ZNF354C: variants seen among roughly 807,000 people sequenced by gnomAD.
ZNF354C encodes the protein zinc finger protein 354C.
ZNF354C carries 7 observed loss-of-function variants against 12.4 expected under a neutral mutation model. That is an observed-to-expected ratio of 0.56 (90% CI 0.32 to 1.06). The LOEUF (loss-of-function observed/expected upper bound fraction) is 1.06, where lower values mean the gene tolerates loss of function less well. ZNF354C is among the 50% of genes least tolerant of loss of function. The probability of loss-of-function intolerance (pLI) is 0.04; values close to 1 mark genes in which losing one functional copy is unlikely to be tolerated. For missense variants in ZNF354C, 609 were observed against 658.0 expected, an observed-to-expected ratio of 0.93 and a Z score of 0.81; for synonymous variants, 202 against 224.5, an observed-to-expected ratio of 0.90 and a Z score of 0.90.
intron 1 of ZNF354C, among the ~76,000 whole-genome samples, chr5:179,061,226 C>T (rs999859348): frequency 6.6e-6 from 1 of 152,176 alleles, no homozygotes; most frequent in Non-Finnish European, 1.5e-5. Context: ...CTGCAGATCG[C>T]GGGCCTGGAG....
chr5:179,077,980 T>C (rs549832914), intron 4 of ZNF354C, among the ~76,000 whole-genome samples: 1 of 152,162 alleles, frequency 6.6e-6, no homozygotes, highest in South Asian at 2.1e-4. Flanking sequence ...TAATTTTTTG[T>C]ATTTTTGGTA....
chr5:179,066,718 T>C (rs1761962143), intron 2 of ZNF354C, among the ~76,000 whole-genome samples: 2 of 152,222 alleles, frequency 1.3e-5, no homozygotes, highest in Non-Finnish European at 2.9e-5. Context: ...TCCACTGTCA[T>C]TCTTATCCTT....
Position 179,078,960 on chromosome 5 carries a change from C to T in ZNF354C, c.528C>T (p.Val176=). 1.2e-6 allele frequency: 2 copies of T among 1,614,052 alleles called. No individual in the cohort carries two copies. Among genetic ancestry groups the T allele is most frequent in the Non-Finnish European group, 1.7e-6 (2 of 1,180,002 alleles). The change falls in exon 5 of 5, where the codon GTC becomes GTT. Residue 176 remains valine, a synonymous_variant. Transcript: ENST00000315475. ...GKSLFTNTAL[V]TQQSVPIERI... is the part of the protein sequence containing the mutation. ...GCTTATTTACAAATACAGCTCTTGT[C>T]ACACAACAGAGTGTTCCTATAGAAA...
At chr5:179,077,281 C>T (rs1762137979) in intron 4 of ZNF354C, 115 bp downstream of exon 4, 6 of 778,180 alleles carry the variant, frequency 7.7e-6, no homozygotes, top group African/African-American at 1.7e-5. Flanking sequence ...ATGCTCAGGC[C>T]AGTTGTATTT....
In ZNF354C at chr5:179,076,660, T is replaced by C. The variant is rs1413815720; in HGVS notation, c.154+89T>C. On this transcript the variant is annotated intron_variant, in intron 3 of 4. Coordinates refer to ENST00000315475, the MANE Select transcript of ZNF354C (RefSeq NM_014594.3). ...GTTCCGAGCCTGTGGTCTTGTACCC[T>C]ACTGAGCCCCTCAGAAAGGCTGAAT... The C allele has an allele frequency of 6.6e-6, 10 of 1,511,548 alleles. No homozygotes were observed. The African/African-American group carries it at 1.1e-4, about 17-fold the overall frequency. The allele number at this position is 1,511,548 out of a possible 1,614,324, so 93.6% of individuals were successfully genotyped here.
chr5:179,080,938 A>G lies in ZNF354C; in HGVS notation c.*841A>G, dbSNP rs1278175136. On this transcript the variant is annotated 3_prime_UTR_variant, in exon 5 of 5. Coordinates refer to ENST00000315475, the MANE Select transcript of ZNF354C (RefSeq NM_014594.3). ...TCTCAGGCTGCATGTCTGGTAGCTCATTAGAGCCAGGAGAGATTTTAGTTT... is the reference window on the plus strand; with the variant it reads ...TCTCAGGCTGCATGTCTGGTAGCTCGTTAGAGCCAGGAGAGATTTTAGTTT... 6.6e-6 allele frequency: 1 copy of G among 152,216 alleles called. No homozygotes were observed. Among genetic ancestry groups the G allele is most frequent in the Non-Finnish European group, 1.5e-5 (1 of 68,038 alleles). The allele number at this position is 152,216 out of a possible 1,614,324, so 9.4% of individuals were successfully genotyped here.
At position 179,078,865 on chromosome 5, in the gene ZNF354C, C is replaced by A; in HGVS notation, c.433C>A (p.Gln145Lys). ...AGAGCAAGAGAAGAAACCTCTTAGA[C>A]AAATGATAGATTCGCATGAGAAAAC... ...EEEQEKKPLR[Q>K]MIDSHEKTIS... Residue 145 changes from glutamine (Q) to lysine (K), a missense_variant, in exon 5 of 5, where the codon CAA (glutamine) becomes AAA (lysine). Physicochemically the swap from Gln to Lys is moderately conservative, Grantham distance 53. Coordinates refer to ENST00000315475, the MANE Select transcript of ZNF354C (RefSeq NM_014594.3). 1 of 1,614,038 alleles carries A rather than the reference C, an allele frequency of 6.2e-7. No individual in the cohort carries two copies. The highest frequency in any genetic ancestry group is 8.5e-7 in the Non-Finnish European group (1 of 1,179,990).
At position 179,062,059 on chromosome 5, in the gene ZNF354C, G is replaced by C. The variant is rs772779840; in HGVS notation, c.-10G>C. 6.2e-7 allele frequency: 1 copy of C among 1,614,196 alleles called. No homozygotes were observed. The highest frequency in any genetic ancestry group is 1.1e-5 in the South Asian group (1 of 91,080). ...TGCTCTCCCTGGGCAGGAAGACTGA[G>C]GAGGAAGGGATGGCTGTGGATCTGC... is the stretch of plus-strand genomic sequence containing the variant. On this transcript the variant is annotated 5_prime_UTR_variant, in exon 2 of 5. Transcript: ENST00000315475.
At chr5:179,077,024 G>T (rs757200566) in intron 3 of ZNF354C, 47 bp from the exon 4 acceptor site, 10 of 1,524,692 alleles carry the variant, frequency 6.6e-6, no homozygotes, top group South Asian at 1.1e-5. Flanking sequence ...TTCTAGGATT[G>T]GTCTTCATGC....
At chr5:179,062,338 C>T (rs1460256394) in intron 2 of ZNF354C, among the ~76,000 whole-genome samples, 1 of 152,152 alleles carries the variant, frequency 6.6e-6, no homozygotes, top group Admixed American at 6.5e-5. Context: ...TGAGGCAGTT[C>T]TGAGCATATG....
rs1456085577 is a variant in ZNF354C at position 179,080,883 on chromosome 5, T to C, written c.*786T>C. On this transcript the variant is annotated 3_prime_UTR_variant, in exon 5 of 5. Coordinates refer to ENST00000315475, the MANE Select transcript of ZNF354C (RefSeq NM_014594.3). ...AGACTGTCAAGCACATACTTTGTTA[T>C]CTGTTGCAGAAGGGATGTATTTGGC... The C allele has an allele frequency of 6.6e-6, 1 of 152,218 alleles. No homozygotes were observed. Among genetic ancestry groups the C allele is most frequent in the Non-Finnish European group, 1.5e-5 (1 of 68,032 alleles). 9.4% of individuals were successfully genotyped at this position (152,218 alleles called of 1,614,324 possible). A position where few individuals can be genotyped will look rare whatever the true frequency, so the allele number is the denominator to read the frequency against.
In ZNF354C at chr5:179,077,128, G is replaced by T. The variant is rs1310261813; in HGVS notation, c.212G>T (p.Cys71Phe). Residue 71 changes from cysteine to phenylalanine, a missense_variant, in exon 4 of 5, where the codon TGC becomes TTC. By Grantham distance (205) the Cys-to-Phe change is radical (BLOSUM62 -2). Transcript: ENST00000315475. ...CAGTTGCAGCAAGGAGAAGATCCCT[G>T]CATGGTGGAAAGAGAAGTCCCTTCA... The part of the protein sequence containing the change: ...IHQLQQGEDP[C>F]MVEREVPSDT... 1 of 1,614,170 alleles carries T rather than the reference G, an allele frequency of 6.2e-7. No homozygotes were observed. Among genetic ancestry groups the T allele is most frequent in the Admixed American group, 1.7e-5 (1 of 60,024 alleles).
At chr5:179,064,042 C>G (rs1040915235) in intron 2 of ZNF354C, among the ~76,000 whole-genome samples, 1 of 152,220 alleles carries the variant, frequency 6.6e-6, no homozygotes, top group Non-Finnish European at 1.5e-5. Context: ...CCAGCTATTA[C>G]CTGGGCTATC....
At chr5:179,077,036 A>G (rs757961950) in intron 3 of ZNF354C, 35 bp from the exon 4 acceptor site, 11 of 1,584,378 alleles carry the variant, frequency 6.9e-6, no homozygotes, top group Admixed American at 3.4e-5. Flanking sequence ...TCTTCATGCT[A>G]TTTGTTCAAA....
chr5:179,082,852 C>A lies in ZNF354C; in HGVS notation c.*2755C>A. 8.1e-7 allele frequency: 1 copy of A among 1,227,392 alleles called. No homozygotes were observed. Among genetic ancestry groups the A allele is most frequent in the Non-Finnish European group, 1.2e-6 (1 of 829,142 alleles). 76.0% of individuals were successfully genotyped at this position (1,227,392 alleles called of 1,614,324 possible). A position where few individuals can be genotyped will look rare whatever the true frequency, so the allele number is the denominator to read the frequency against. ...GGAGCTGCAACAGCCTTGGGGCCCT[C>A]ACAGACTCGCCAAACATTCCAGGCA... On this transcript the variant is annotated 3_prime_UTR_variant, in exon 5 of 5. Transcript: ENST00000315475.
Position 179,079,792 on chromosome 5 carries a change from A to G in ZNF354C, c.1360A>G (p.Asn454Asp). ...TGGGAAAGCCTTTGGTTGCAAATCT[A>G]ACCTTTATAGGCATCAGAGAATTCA... ...ECGKAFGCKSNLYRHQRIHTG... is the reference protein window; with the variant it reads ...ECGKAFGCKSDLYRHQRIHTG... Residue 454 changes from asparagine to aspartate, a missense_variant, in exon 5 of 5, where the codon AAC (asparagine) becomes GAC (aspartate). By Grantham distance (23) the Asn-to-Asp change is conservative. Coordinates refer to ENST00000315475, the MANE Select transcript of ZNF354C (RefSeq NM_014594.3). This position sits in a 1 kb window ranked among gnomAD's most constrained non-coding sequence, Gnocchi z 4.2. 6.2e-7 allele frequency: 1 copy of G among 1,614,130 alleles called. No homozygotes were observed. The highest frequency in any genetic ancestry group is 8.5e-7 in the Non-Finnish European group (1 of 1,180,024).
chr5:179,069,282 C>CT lies in ZNF354C; in HGVS notation c.28-7161dup, dbSNP rs200213386. Among the ~76,000 whole-genome samples the CT allele has an allele frequency of 7.8e-3, 1,181 of 152,296 alleles. 17 individuals are homozygous for CT. Among genetic ancestry groups the CT allele is most frequent in the African/African-American group, 0.026 (1,084 of 41,554 alleles). ...AGTCTATTCTCTCTAAAGCCTGCTA[C>CT]TTGGAGGTTTCATCTGCCTGACAAA... On this transcript the variant is annotated intron_variant, in intron 2 of 4. Transcript: ENST00000315475.
At chr5:179,061,230 C>T (rs1408699035) in intron 1 of ZNF354C, among the ~76,000 whole-genome samples, 2 of 152,194 alleles carry the variant, frequency 1.3e-5, no homozygotes, top group East Asian at 1.9e-4. Context: ...AGATCGCGGG[C>T]CTGGAGGCCC....
chr5:179,071,126 C>G lies in ZNF354C; in HGVS notation c.28-5319C>G, dbSNP rs868074224. 5.3e-5 allele frequency among the ~76,000 whole-genome samples: 8 copies of G among 152,194 alleles called. No individual in the cohort carries two copies. The South Asian group carries it at 1.7e-3, about 32-fold the overall frequency. On this transcript the variant is annotated intron_variant, in intron 2 of 4. Transcript: ENST00000315475. ...TCAGCCTCCCAAAGTGCTGGGATTA[C>G]AGGCGTGAGCCACTGTGCCTGACCC...
Sources: gnomAD v4.1 joint callset for allele counts (sites outside exome capture counted in the v4.1 genomes callset) on GRCh38, gnomAD v4.1.1 for gene constraint, Gnocchi (gnomAD v3.1) non-coding constraint, MANE v1.5 for transcripts, NCBI Gene and HGNC (gene_info 2026-07-23, HGNC 2026-07-21) for gene names.